Variants in SERPINB1 observed in about 807,000 individuals in gnomAD.
SERPINB1 encodes leukocyte elastase inhibitor.
SERPINB1 carries 23 observed loss-of-function variants against 25.9 expected under a neutral mutation model. The observed-to-expected ratio is 0.89, with a 90% CI of 0.64 to 1.26. The LOEUF is 1.26. Among genes scored for constraint, SERPINB1 ranks in the 50% most tolerant of loss-of-function variants. The pLI is 0.00. For synonymous variants in SERPINB1, 178 were observed against 178.7 expected (o/e 1.00, Z 0.03); for missense variants, 399 against 463.6 (o/e 0.86, Z 1.28).
At position 2,841,531 on chromosome 6, in the gene SERPINB1, C is replaced by T. The variant is rs188173002; in HGVS notation, c.-9+281G>A. The T allele has an allele frequency of 6.1e-3, 930 of 152,814 alleles. 6 individuals carry two copies. Among genetic ancestry groups the T allele is most frequent in the Non-Finnish European group, 9.6e-3 (660 of 68,422 alleles). 9.5% of individuals were successfully genotyped at this position (152,814 alleles called of 1,614,324 possible). A position where few individuals can be genotyped will look rare whatever the true frequency, so the allele number is the denominator to read the frequency against. On this transcript the variant is annotated intron_variant, in intron 1 of 6. Coordinates refer to ENST00000380739, the MANE Select transcript of SERPINB1 (RefSeq NM_030666.4). The surrounding 1 kb of genome is among the most constrained non-coding windows in gnomAD (Gnocchi z 4.5). ...CAACATTCTGATCTCAGGTTTCAGT[C>T]TTGCCTTCCGCCTGCATCTGTCGTC...
Position 2,837,821 on chromosome 6 carries a change from G to T in SERPINB1, c.424+61C>A. The stretch of plus-strand genomic sequence containing the variant: ...GGGAATAACTGCAGGTAGGGAAGGC[G>T]GACTGAGGAAACGAATGACATGACC... On this transcript the variant is annotated intron_variant, in intron 4 of 6. Transcript: ENST00000380739. The surrounding 1 kb of genome is among the most constrained non-coding windows in gnomAD (Gnocchi z 4.3). The T allele has an allele frequency of 8.0e-7, 1 of 1,251,980 alleles. No individual in the cohort carries two copies. The highest frequency in any genetic ancestry group is 1.2e-6 in the Non-Finnish European group (1 of 851,988). 77.6% of individuals were successfully genotyped at this position (1,251,980 alleles called of 1,614,324 possible).
At position 2,841,645 on chromosome 6, in the gene SERPINB1, C is replaced by G. The variant is rs977172608; in HGVS notation, c.-9+167G>C. The G allele has an allele frequency of 4.1e-5, 6 of 146,784 alleles. No individual in the cohort carries two copies. Among genetic ancestry groups the G allele is most frequent in the Non-Finnish European group, 9.0e-5 (6 of 67,002 alleles). The allele number at this position is 146,784 out of a possible 1,614,324, so 9.1% of individuals were successfully genotyped here. On this transcript the variant is annotated intron_variant, in intron 1 of 6. Transcript: ENST00000380739. The surrounding 1 kb of genome is among the most constrained non-coding windows in gnomAD (Gnocchi z 4.5). ...GGTCGTCTGTCTCCGTCGGGGCGCC[C>G]GGAAGGGATGGGGGCGCGAAGCTGG...
rs1766468535 is a variant in SERPINB1 at position 2,835,706 on chromosome 6, T to C, written c.735+150A>G. ...TTTAAAAAAAAATTAACTCTGGGCT[T>C]TAGTGTAGTAAGTGTTGATGGGCTA... On this transcript the variant is annotated intron_variant, in intron 6 of 6. Transcript: ENST00000380739. 3.6e-6 allele frequency: 3 copies of C among 833,828 alleles called. No individual in the cohort carries two copies. In the South Asian group the frequency reaches 5.9e-5, roughly 16 times the overall value. The allele number at this position is 833,828 out of a possible 1,614,324, so 51.7% of individuals were successfully genotyped here.
In SERPINB1 at chr6:2,838,656, G is replaced by A. The variant is rs751663242; in HGVS notation, c.199C>T (p.His67Tyr). Residue 67 changes from histidine to tyrosine, a missense_variant, in exon 3 of 7, where the codon CAT becomes TAT. Coordinates refer to ENST00000380739, the MANE Select transcript of SERPINB1 (RefSeq NM_030666.4). The part of the protein sequence containing the change: ...TFHFNTVEEV[H>Y]SRFQSLNADI... ...GCATTCAGACTCTGGAATCTTGAAT[G>A]AACCTCTTCAACCGTGTTGAAATGG... The A allele has an allele frequency of 4.4e-6, 7 of 1,603,282 alleles. No individual in the cohort carries two copies. The highest frequency in any genetic ancestry group is 6.0e-6 in the Non-Finnish European group (7 of 1,174,966).
Position 2,836,097 on chromosome 6 carries a change from C to T in SERPINB1, c.567+11G>A, listed in dbSNP as rs767240744. The T allele has an allele frequency of 6.2e-7, 1 of 1,613,010 alleles. No individual in the cohort carries two copies. The highest frequency in any genetic ancestry group is 1.7e-5 in the Admixed American group (1 of 59,938). On this transcript the variant is annotated intron_variant, in intron 5 of 6. Coordinates refer to ENST00000380739, the MANE Select transcript of SERPINB1 (RefSeq NM_030666.4). ...AGCAATGCATGACTCTGTACAGTTA[C>T]CTCACCTCACCTTATTCAATCTGAA...
In SERPINB1 at chr6:2,834,099, A is replaced by C; in HGVS notation, c.736-87T>G. The C allele has an allele frequency of 6.5e-6, 8 of 1,221,612 alleles. No homozygotes were observed. The South Asian group carries it at 1.2e-4, about 19-fold the overall frequency. 75.7% of individuals were successfully genotyped at this position (1,221,612 alleles called of 1,614,324 possible). On this transcript the variant is annotated intron_variant, in intron 6 of 6. Transcript: ENST00000380739. ...AGTATTATTGAATCAATGGACCCAT[A>C]ATATCAGTTGCTAGTTAGTTTCCTT...
rs199607693 is a variant in SERPINB1 at position 2,836,052 on chromosome 6, T to C, written c.568-29A>G. The C allele has an allele frequency of 9.9e-4, 1,599 of 1,613,760 alleles. 1 individual carries two copies. The highest frequency in any genetic ancestry group is 1.2e-3 in the Non-Finnish European group (1,474 of 1,179,872). On this transcript the variant is annotated intron_variant, in intron 5 of 6. Transcript: ENST00000380739. ...AACAGTTTTAAAAAATCACTGAAAT[T>C]ATTCTCTGCATTCTTTTAGAGCAAT...
rs201796977 is a variant in SERPINB1 at position 2,833,703 on chromosome 6, C to T, written c.1045G>A (p.Glu349Lys). Reference protein sequence around the residue: ...GIATFCMLMPEENFTADHPFL... With the variant: ...GIATFCMLMPKENFTADHPFL... ...GGATGGTCGGCAGTGAAATTTTCTT[C>T]GGGCATCAACATGCAGAAAGTTGCG... The change falls in exon 7 of 7, where the codon GAA becomes AAA. Residue 349 changes from glutamate (E) to lysine (K), a missense_variant. Glu to Lys is a moderately conservative substitution (Grantham distance 56, BLOSUM62 1). Transcript: ENST00000380739. 15 of 1,614,162 alleles carry T rather than the reference C, an allele frequency of 9.3e-6. No homozygotes were observed. In the East Asian group the frequency reaches 1.3e-4, roughly 14 times the overall value.
intron 2 of SERPINB1, among the ~76,000 whole-genome samples, 165 bp downstream of exon 2, chr6:2,840,254 G>A (rs1471098807): frequency 6.6e-6 from 1 of 152,120 alleles, no homozygotes; most frequent in African/African-American, 2.4e-5. Context: ...ACCTGATGAT[G>A]AATGGAAGCC....
intron 3 of SERPINB1, among the ~76,000 whole-genome samples, 158 bp downstream of exon 3, chr6:2,838,391 G>C (rs1702585093): frequency 6.6e-6 from 1 of 152,122 alleles, no homozygotes; most frequent in Non-Finnish European, 1.5e-5. Flanking sequence ...TTTGCATTCT[G>C]TCGTGTTTGC....
chr6:2,836,345 T>C, intron 4 of SERPINB1, 95 bp from the exon 5 acceptor site: 2 of 1,248,364 alleles, frequency 1.6e-6, no homozygotes, highest in Non-Finnish European at 2.2e-6. Context: ...TTCAAATATA[T>C]AATTTCTACT....
Position 2,833,413 on chromosome 6 carries a change from T to C in SERPINB1, c.*195A>G, listed in dbSNP as rs755326100. On this transcript the variant is annotated 3_prime_UTR_variant, in exon 7 of 7. Transcript: ENST00000380739. Reference sequence around the variant, plus strand: ...AGCAACCACTGGATTTTTTTCAATGTAAAAAAGAAAAATAGATACCCATGC... The same window carrying C: ...AGCAACCACTGGATTTTTTTCAATGCAAAAAAGAAAAATAGATACCCATGC... 4.1e-4 allele frequency: 203 copies of C among 499,818 alleles called. No individual in the cohort carries two copies. The highest frequency in any genetic ancestry group is 1.0e-3 in the Admixed American group (27 of 26,314). The allele number at this position is 499,818 out of a possible 1,614,324, so 31.0% of individuals were successfully genotyped here. A position where few individuals can be genotyped will look rare whatever the true frequency, so the allele number is the denominator to read the frequency against.
chr6:2,838,109 A>G, intron 3 of SERPINB1, 110 bp from the exon 4 acceptor site: 2 of 710,044 alleles, frequency 2.8e-6, no homozygotes, highest in Non-Finnish European at 2.3e-6. Flanking sequence ...CTACAATTCC[A>G]TGTAACACAA....
chr6:2,841,022 T>C lies in SERPINB1; in HGVS notation c.-8-428A>G, dbSNP rs749016210. 1.1e-4 allele frequency among the ~76,000 whole-genome samples: 16 copies of C among 152,088 alleles called. No homozygotes were observed. The highest frequency in any genetic ancestry group is 1.8e-4 in the Non-Finnish European group (12 of 68,022). ...TCTGATTCATTGGGCAATGAATCCA[T>C]TGCCTACCTTCACCTGAACTAAGAG... On this transcript the variant is annotated intron_variant, in intron 1 of 6. Coordinates refer to ENST00000380739, the MANE Select transcript of SERPINB1 (RefSeq NM_030666.4). The surrounding 1 kb of genome is among the most constrained non-coding windows in gnomAD (Gnocchi z 4.5).
intron 2 of SERPINB1, 126 bp from the exon 3 acceptor site, chr6:2,838,812 C>T (rs908207205): frequency 6.9e-6 from 5 of 728,260 alleles, no homozygotes; most frequent in Non-Finnish European, 9.8e-6. Flanking sequence ...ATCCCAAACC[C>T]AATACTTTAT....
intron 4 of SERPINB1, 139 bp from the exon 5 acceptor site, chr6:2,836,389 A>G: frequency 1.1e-6 from 1 of 950,286 alleles, no homozygotes; most frequent in Non-Finnish European, 1.5e-6. Flanking sequence ...AACTTAGGAA[A>G]GCCCTACTCA....
At position 2,837,942 on chromosome 6, in the gene SERPINB1, G is replaced by A; in HGVS notation, c.364C>T (p.Gln122Ter). The change falls in exon 4 of 7, where the codon CAG becomes TAG. Residue 122 changes from glutamine (Q) to a stop codon, truncating the protein, a stop_gained. Coordinates refer to ENST00000380739, the MANE Select transcript of SERPINB1 (RefSeq NM_030666.4). LOFTEE classifies it high-confidence loss of function. The surrounding 1 kb of genome is among the most constrained non-coding windows in gnomAD (Gnocchi z 4.3). ...TTCCTTGCATCTTCAGAGGCATGCT[G>A]AAAATCCACACTGGCCAGGTCAGCA... ...YGADLASVDF[Q>*]HASEDARKTI... is the part of the protein sequence containing the mutation. 6.2e-7 allele frequency: 1 copy of A among 1,614,000 alleles called. No homozygotes were observed. The highest frequency in any genetic ancestry group is 1.1e-5 in the South Asian group (1 of 91,084).
At chr6:2,834,465 T>C (rs1561934867) in intron 6 of SERPINB1, among the ~76,000 whole-genome samples, 2 of 150,606 alleles carry the variant, frequency 1.3e-5, no homozygotes, top group Non-Finnish European at 3.0e-5. Context: ...CATCCATCCA[T>C]TCACCTATCC....
rs1466620126 is a variant in SERPINB1 at position 2,833,451 on chromosome 6, G to C, written c.*157C>G. ...TAGATACCCATGCCAAAATTCATGGGTGTAAACAGCCAACAGAGCCAAACT... is the reference window on the plus strand; with the variant it reads ...TAGATACCCATGCCAAAATTCATGGCTGTAAACAGCCAACAGAGCCAAACT... On this transcript the variant is annotated 3_prime_UTR_variant, in exon 7 of 7. Transcript: ENST00000380739. 1.5e-6 allele frequency: 1 copy of C among 688,078 alleles called. No homozygotes were observed. The highest frequency in any genetic ancestry group is 1.8e-5 in the African/African-American group (1 of 54,492). 42.6% of individuals were successfully genotyped at this position (688,078 alleles called of 1,614,324 possible).
Sources: gnomAD v4.1 joint callset for allele counts (sites outside exome capture counted in the v4.1 genomes callset) on GRCh38, gnomAD v4.1.1 for gene constraint, Gnocchi (gnomAD v3.1) non-coding constraint, MANE v1.5 for transcripts, NCBI Gene and HGNC (gene_info 2026-07-23, HGNC 2026-07-21) for gene names.